KCNK1: variants seen among roughly 807,000 people sequenced by gnomAD.
KCNK1 encodes the protein potassium channel subfamily K member 1.
A neutral mutation model predicts 22.2 loss-of-function variants in KCNK1; 10 were observed. The ratio of observed to expected loss-of-function variants is 0.45; its 90% CI spans 0.28 to 0.76. The LOEUF is 0.76. KCNK1 is among the 30% of genes least tolerant of loss of function. The pLI is 0.14. For missense variants in KCNK1, 378 were observed against 421.0 expected, an observed-to-expected ratio of 0.90 and a Z score of 0.89; for synonymous variants, 200 against 186.4, an observed-to-expected ratio of 1.07 and a Z score of -0.60.
rs74722338 is a variant in KCNK1, at chr1:233,650,702, C to T, written c.356-15893C>T. ...GAGGAAACTAAGGCATCAAATTTTT[C>T]AGGGAGACATAGCTAATAAGAAGCA... On this transcript the variant is annotated intron_variant, in intron 1 of 2. Coordinates refer to ENST00000366621, the MANE Select transcript of KCNK1 (RefSeq NM_002245.4). 6.7e-3 allele frequency among the ~76,000 whole-genome samples: 1,011 copies of T among 151,490 alleles called. 62 individuals are homozygous for T. In the East Asian group the frequency reaches 0.15, roughly 23 times the overall value.
intron 1 of KCNK1, among the ~76,000 whole-genome samples, chr1:233,628,745 G>GC (rs1278906555): frequency 1.6e-5 from 2 of 121,366 alleles, no homozygotes; most frequent in African/African-American, 1.2e-4. Context: ...GGGCAACAGA[G>GC]CAAGACTCTG....
rs139863670 is a variant in KCNK1 at position 233,663,101 on chromosome 1, C to T, written c.356-3494C>T. ...GATGCATTAAGCCGTCTACTGCAAA[C>T]GAAGCGCTGTGTTGTAGTTGGTGCA... On this transcript the variant is annotated intron_variant, in intron 1 of 2. Coordinates refer to ENST00000366621, the MANE Select transcript of KCNK1 (RefSeq NM_002245.4). 7.2e-3 allele frequency among the ~76,000 whole-genome samples: 1,092 copies of T among 152,268 alleles called. 13 individuals carry two copies. The highest frequency in any genetic ancestry group is 0.011 in the Non-Finnish European group (732 of 68,022).
At chr1:233,652,863 CCTT>C (rs1185326288) in intron 1 of KCNK1, among the ~76,000 whole-genome samples, 4 of 152,306 alleles carry the variant, frequency 2.6e-5, no homozygotes, top group South Asian at 2.1e-4. Flanking sequence ...GTCACACACT[CCTT>C]CTGTATTATC....
At chr1:233,628,660 T>TGGGTG (rs1329096442) in intron 1 of KCNK1, among the ~76,000 whole-genome samples, 1 of 151,770 alleles carries the variant, frequency 6.6e-6, no homozygotes, top group Non-Finnish European at 1.5e-5. Context: ...CTTGGGAGGC[T>TGGGTG]GAGGTGGAGA....
chr1:233,628,779 A>T (rs1415833151), intron 1 of KCNK1, among the ~76,000 whole-genome samples: 1 of 151,836 alleles, frequency 6.6e-6, no homozygotes, highest in Non-Finnish European at 1.5e-5. Context: ...TAATAATAAT[A>T]ATAAATTTTA....
Position 233,666,978 on chromosome 1 carries a change from A to G in KCNK1, c.739A>G (p.Ile247Val), listed in dbSNP as rs1301444944. The change falls in exon 2 of 3, where the codon ATT (isoleucine) becomes GTT (valine). Residue 247 changes from isoleucine to valine, a missense_variant. Coordinates refer to ENST00000366621, the MANE Select transcript of KCNK1 (RefSeq NM_002245.4). ...YNQKFRELYK[I>V]GITCYLLLGL... The stretch of plus-strand genomic sequence containing the variant: ...TCAAAAATTCAGAGAGCTCTATAAG[A>G]TTGGGATCACGTGTGAGTATTACAG... 6.2e-7 allele frequency: 1 copy of G among 1,610,436 alleles called. No homozygotes were observed. Among genetic ancestry groups the G allele is most frequent in the African/African-American group, 1.3e-5 (1 of 74,726 alleles).
At chr1:233,614,625 C>A in intron 1 of KCNK1, 99 bp downstream of exon 1, 2 of 899,688 alleles carry the variant, frequency 2.2e-6, no homozygotes, top group South Asian at 1.8e-5. Flanking sequence ...CCTCCCACCC[C>A]ACCCCCCACC....
chr1:233,668,815 C>T (rs1487109310), intron 2 of KCNK1, among the ~76,000 whole-genome samples: 3 of 152,188 alleles, frequency 2.0e-5, no homozygotes, highest in Admixed American at 2.0e-4. Flanking sequence ...CCATGTTGGC[C>T]AGGCTAGTCA....
At chr1:233,667,470 C>G (rs1658512926) in intron 2 of KCNK1, among the ~76,000 whole-genome samples, 1 of 152,128 alleles carries the variant, frequency 6.6e-6, no homozygotes, top group Non-Finnish European at 1.5e-5. Flanking sequence ...GTGGCTCACG[C>G]CTGTAATCCC....
intron 1 of KCNK1, among the ~76,000 whole-genome samples, chr1:233,665,180 G>T (rs1475241349): frequency 6.6e-6 from 1 of 152,202 alleles, no homozygotes; most frequent in African/African-American, 2.4e-5. Flanking sequence ...ATACAGAAAT[G>T]ACCGGGGGGT....
At chr1:233,634,924 C>A (rs1334868411) in intron 1 of KCNK1, among the ~76,000 whole-genome samples, 8 of 152,180 alleles carry the variant, frequency 5.3e-5, no homozygotes, top group African/African-American at 1.7e-4. Context: ...ATAAGTGTTT[C>A]TTTTCCAAGT....
chr1:233,661,100 G>T (rs541040639), intron 1 of KCNK1, among the ~76,000 whole-genome samples: 2 of 152,304 alleles, frequency 1.3e-5, no homozygotes, highest in Admixed American at 6.5e-5. Context: ...GCTAGGTGTG[G>T]CTGTTTTTAT....
chr1:233,632,944 A>G (rs1398804303), intron 1 of KCNK1, among the ~76,000 whole-genome samples: 3 of 152,038 alleles, frequency 2.0e-5, no homozygotes, highest in Admixed American at 1.3e-4. Flanking sequence ...CTCTATTCTC[A>G]GAAATGTTTT....
chr1:233,642,269 C>CA (rs1276504249), intron 1 of KCNK1, among the ~76,000 whole-genome samples: 1 of 152,194 alleles, frequency 6.6e-6, no homozygotes, highest in Admixed American at 6.5e-5. Flanking sequence ...CAAGAAGAAA[C>CA]AAAGATTCCC....
intron 1 of KCNK1, among the ~76,000 whole-genome samples, chr1:233,650,343 TTTAA>T (rs1414134346): frequency 1.3e-5 from 2 of 152,192 alleles, no homozygotes; most frequent in Non-Finnish European, 2.9e-5. Flanking sequence ...TTGTTAAGTC[TTTAA>T]TTACTGTCAG....
intron 2 of KCNK1, 31 bp from the exon 3 acceptor site, chr1:233,671,240 A>G (rs1474429479): frequency 1.2e-6 from 2 of 1,605,724 alleles, no homozygotes; most frequent in Non-Finnish European, 1.7e-6. Context: ...TGTTGAGATC[A>G]CACTAAGACA....
At chr1:233,646,918 C>T (rs1658110266) in intron 1 of KCNK1, among the ~76,000 whole-genome samples, 1 of 152,136 alleles carries the variant, frequency 6.6e-6, no homozygotes, top group South Asian at 2.1e-4. Context: ...TGGAAGCTCA[C>T]ATTGAACCAG....
intron 1 of KCNK1, among the ~76,000 whole-genome samples, chr1:233,665,027 G>T (rs1182975926): frequency 6.6e-6 from 1 of 152,204 alleles, no homozygotes; most frequent in Admixed American, 6.5e-5. Flanking sequence ...GTTCTCTGTT[G>T]GCGTTGGTTG....
At chr1:233,631,138 C>A (rs1002145442) in intron 1 of KCNK1, 9 of 417,846 alleles carry the variant, frequency 2.2e-5, no homozygotes, top group South Asian at 3.7e-5. Context: ...TGCCTCATCT[C>A]TGGCTCTCAG....
Sources: allele counts gnomAD v4.1 joint callset (sites outside exome capture counted in the v4.1 genomes callset), GRCh38; gene constraint gnomAD v4.1.1; transcripts MANE v1.5; gene names NCBI Gene and HGNC (gene_info 2026-07-23, HGNC 2026-07-21).